Variants in OPCML observed in about 807,000 individuals in gnomAD.
The protein encoded by OPCML is opioid-binding protein/cell adhesion molecule.
Under a neutral mutation model 37.8 loss-of-function variants are expected in OPCML, and 13 were observed. The observed-to-expected ratio is 0.34, with a 90% CI of 0.22 to 0.55. OPCML has a LOEUF of 0.55. OPCML is among the 20% of genes least tolerant of loss of function. The pLI, the probability that OPCML is intolerant of heterozygous loss-of-function variation, is 0.91. For synonymous variants in OPCML, 176 were observed against 168.8 expected (o/e 1.04, Z -0.33); for missense variants, 341 against 435.6 (o/e 0.78, Z 1.93).
intron 2 of OPCML, among the ~76,000 whole-genome samples, chr11:132,683,564 AT>A (rs2135861133): frequency 6.6e-6 from 1 of 152,312 alleles, no homozygotes; most frequent in Non-Finnish European, 1.5e-5. Flanking sequence ...CAATTTTCTC[AT>A]TTTTAAAGTT....
chr11:133,097,642 A>G (rs1455725659), intron 1 of OPCML, among the ~76,000 whole-genome samples: 2 of 152,190 alleles, frequency 1.3e-5, no homozygotes, highest in Non-Finnish European at 2.9e-5. Context: ...TAAGAAAAAA[A>G]GAGAGAACAA....
intron 4 of OPCML, among the ~76,000 whole-genome samples, chr11:132,525,441 C>A (rs928251086): frequency 2.0e-5 from 3 of 152,208 alleles, no homozygotes; most frequent in Non-Finnish European, 2.9e-5. Context: ...CATTAGCTAA[C>A]TCCTCCACCA....
intron 2 of OPCML, among the ~76,000 whole-genome samples, chr11:132,909,125 TG>T (rs1159494797): frequency 2.6e-5 from 4 of 152,322 alleles, no homozygotes; most frequent in African/African-American, 9.6e-5. Flanking sequence ...CTGCAGCCCT[TG>T]GGAGGTCGTC....
At chr11:132,522,887 T>C (rs2096297482) in intron 4 of OPCML, among the ~76,000 whole-genome samples, 1 of 152,206 alleles carries the variant, frequency 6.6e-6, no homozygotes, top group Non-Finnish European at 1.5e-5. Context: ...ACTTTCTCTT[T>C]AGGAATTTCT....
intron 2 of OPCML, among the ~76,000 whole-genome samples, chr11:132,909,674 G>A: frequency 6.6e-6 from 1 of 152,230 alleles, no homozygotes; most frequent in Admixed American, 6.5e-5. Context: ...TGTCACATCA[G>A]TGTCGGCTGA....
intron 1 of OPCML, among the ~76,000 whole-genome samples, chr11:133,196,266 G>C (rs934054789): frequency 5.9e-5 from 9 of 152,204 alleles, no homozygotes; most frequent in Non-Finnish European, 1.3e-4. Context: ...GGTGTTATTA[G>C]TGGATTTCTC....
chr11:133,098,747 C>A (rs1949041870), intron 1 of OPCML, among the ~76,000 whole-genome samples: 1 of 152,178 alleles, frequency 6.6e-6, no homozygotes, highest in Non-Finnish European at 1.5e-5. Context: ...GACTTCCCCA[C>A]TAAAATTAAG....
chr11:133,000,829 G>C (rs755396081), intron 1 of OPCML, among the ~76,000 whole-genome samples: 4 of 152,192 alleles, frequency 2.6e-5, no homozygotes, highest in Admixed American at 6.5e-5. Context: ...GGAGGTGTCT[G>C]TCTCATGGGG....
At chr11:132,713,018 C>G (rs891082104) in intron 2 of OPCML, among the ~76,000 whole-genome samples, 2 of 152,134 alleles carry the variant, frequency 1.3e-5, no homozygotes, top group African/African-American at 4.8e-5. Flanking sequence ...GGGCGCTTTC[C>G]ACACCCCAAC....
At chr11:132,443,194 G>T (rs1325449392) in intron 4 of OPCML, among the ~76,000 whole-genome samples, 4 of 152,176 alleles carry the variant, frequency 2.6e-5, no homozygotes, top group Non-Finnish European at 5.9e-5. Context: ...AACATTTCTG[G>T]GGGCTTGTGC....
At chr11:133,007,590 A>G in intron 1 of OPCML, 1 of 985,448 alleles carries the variant, frequency 1.0e-6, no homozygotes, top group Non-Finnish European at 1.2e-6. Context: ...AAAACTCTAG[A>G]ATTGCTTGTA....
Position 132,650,484 on chromosome 11 carries a change from T to G in OPCML, c.379+6603A>C, listed in dbSNP as rs374596953. On this transcript the variant is annotated intron_variant, in intron 3 of 7. Transcript: ENST00000524381. ...AGGACATGACGCCCAGAAAAGTCCT[T>G]AACCTAATTTTGGCTGTGTGCTTTA... is the stretch of plus-strand genomic sequence containing the variant. Among the ~76,000 whole-genome samples the G allele has an allele frequency of 4.7e-4, 72 of 152,236 alleles. No homozygotes were observed. The East Asian group carries it at 0.011, about 23-fold the overall frequency.
At chr11:133,419,996 A>G (rs1008829321) in intron 1 of OPCML, among the ~76,000 whole-genome samples, 2 of 152,244 alleles carry the variant, frequency 1.3e-5, no homozygotes, top group African/African-American at 4.8e-5. Context: ...TGTTCATCAT[A>G]AATTGGCTAT....
At chr11:132,533,653 A>G (rs2096332506) in intron 3 of OPCML, among the ~76,000 whole-genome samples, 1 of 152,154 alleles carries the variant, frequency 6.6e-6, no homozygotes, top group African/African-American at 2.4e-5. Flanking sequence ...CCCTTCTCTA[A>G]AGCCTCTCCC....
At chr11:133,225,470 C>G (rs974613132) in intron 1 of OPCML, among the ~76,000 whole-genome samples, 16 of 152,194 alleles carry the variant, frequency 1.1e-4, no homozygotes, top group African/African-American at 3.6e-4. Flanking sequence ...AATGAAGGTG[C>G]TGATATCAAA....
chr11:133,169,533 G>A (rs1033300346), intron 1 of OPCML, among the ~76,000 whole-genome samples: 1 of 152,156 alleles, frequency 6.6e-6, no homozygotes, highest in East Asian at 1.9e-4. Flanking sequence ...CTTTATTGTT[G>A]TAATCACATA....
intron 2 of OPCML, among the ~76,000 whole-genome samples, chr11:132,746,654 A>G (rs2136055577): frequency 6.6e-6 from 1 of 152,210 alleles, no homozygotes; most frequent in East Asian, 1.9e-4. Context: ...TAACTCACTC[A>G]TCTCAGTGAT....
At chr11:132,442,849 G>A (rs1021726472) in intron 4 of OPCML, among the ~76,000 whole-genome samples, 2 of 152,122 alleles carry the variant, frequency 1.3e-5, no homozygotes, top group Admixed American at 1.3e-4. Context: ...GTGGAACTGT[G>A]AGTCGATTAA....
intron 1 of OPCML, among the ~76,000 whole-genome samples, chr11:133,093,078 T>C (rs1948936667): frequency 6.6e-6 from 1 of 152,100 alleles, no homozygotes; most frequent in Non-Finnish European, 1.5e-5. Context: ...TATTATTAAT[T>C]TTTGTATTTC....
Sources: gnomAD v4.1 joint callset for allele counts (sites outside exome capture counted in the v4.1 genomes callset) on GRCh38, gnomAD v4.1.1 for gene constraint, MANE v1.5 for transcripts, NCBI Gene and HGNC (gene_info 2026-07-23, HGNC 2026-07-21) for gene names.